Variants in EXOSC7 observed in about 807,000 individuals in gnomAD.
EXOSC7 encodes exosome complex component RRP42.
A neutral mutation model predicts 34.3 loss-of-function variants in EXOSC7; 25 were observed. That is an observed-to-expected ratio of 0.73 (90% CI 0.53 to 1.02). EXOSC7 has a LOEUF of 1.02. EXOSC7 is among the 50% of genes least tolerant of loss of function. The probability of loss-of-function intolerance (pLI) is 0.00; values close to 1 mark genes in which losing one functional copy is unlikely to be tolerated. For missense variants in EXOSC7, 370 were observed against 368.5 expected (o/e 1.00, Z -0.03); for synonymous variants, 130 against 143.0 (o/e 0.91, Z 0.65).
intron 4 of EXOSC7, among the ~76,000 whole-genome samples, chr3:44,997,516 C>G (rs1706754838): frequency 6.6e-6 from 1 of 152,032 alleles, no homozygotes; most frequent in Non-Finnish European, 1.5e-5. Context: ...AAAAATTGTC[C>G]AGGAAGAGTA....
At chr3:44,985,913 TAC>T (rs1213896934) in intron 1 of EXOSC7, among the ~76,000 whole-genome samples, 2 of 152,234 alleles carry the variant, frequency 1.3e-5, no homozygotes, top group East Asian at 3.9e-4. Flanking sequence ...ATTAGCTAGA[TAC>T]AGAGTGTAGA....
chr3:44,996,933 A>G (rs563618233), intron 3 of EXOSC7, among the ~76,000 whole-genome samples, 154 bp from the exon 4 acceptor site: 1 of 152,326 alleles, frequency 6.6e-6, no homozygotes, highest in Admixed American at 6.5e-5. Context: ...GAGTCAGGAA[A>G]AGTGGCAGAT....
At chr3:45,009,246 C>CTA (rs1255077324) in intron 7 of EXOSC7, among the ~76,000 whole-genome samples, 1 of 152,214 alleles carries the variant, frequency 6.6e-6, no homozygotes, top group East Asian at 1.9e-4. Flanking sequence ...GGACAGGGGA[C>CTA]TATAGCTCTG....
At chr3:44,994,816 C>A (rs555119003) in intron 3 of EXOSC7, among the ~76,000 whole-genome samples, 11 of 150,254 alleles carry the variant, frequency 7.3e-5, no homozygotes, top group Non-Finnish European at 4.4e-5. Flanking sequence ...AGTCTCTAAA[C>A]CTTCCTCTCT....
chr3:45,010,481 A>G (rs1707175434), intron 7 of EXOSC7, among the ~76,000 whole-genome samples: 1 of 152,152 alleles, frequency 6.6e-6, no homozygotes, highest in Admixed American at 6.5e-5. Context: ...TCCTGGCCTC[A>G]AGCAAAATCC....
intron 2 of EXOSC7, 111 bp downstream of exon 2, chr3:44,989,352 G>A (rs1004072385): frequency 4.5e-5 from 42 of 942,796 alleles, no homozygotes; most frequent in Admixed American, 8.8e-5. Context: ...TGGGGAAATC[G>A]AAGATCCGAG....
At chr3:44,979,203 T>A (rs2125960336) in intron 1 of EXOSC7, among the ~76,000 whole-genome samples, 1 of 152,360 alleles carries the variant, frequency 6.6e-6, no homozygotes, top group Non-Finnish European at 1.5e-5. Flanking sequence ...TGAATGAGCC[T>A]ACCATGGAAT....
chr3:45,006,944 C>G (rs1388303805), intron 6 of EXOSC7, among the ~76,000 whole-genome samples: 2 of 152,062 alleles, frequency 1.3e-5, no homozygotes, highest in African/African-American at 4.8e-5. Context: ...GGGCTGGTCT[C>G]AAACTCCTGA....
intron 3 of EXOSC7, 95 bp from the exon 4 acceptor site, chr3:44,996,992 C>G: frequency 7.6e-7 from 1 of 1,312,632 alleles, no homozygotes; most frequent in Admixed American, 1.9e-5. Context: ...GCTGGCTCTT[C>G]CAGCATTCTA....
intron 1 of EXOSC7, among the ~76,000 whole-genome samples, chr3:44,983,658 GA>G (rs1228602392): frequency 2.0e-5 from 3 of 152,192 alleles, no homozygotes; most frequent in Non-Finnish European, 4.4e-5. Flanking sequence ...AGAAGGAGGG[GA>G]CACCACTCCA....
At chr3:44,983,843 C>T (rs940136952) in intron 1 of EXOSC7, among the ~76,000 whole-genome samples, 2 of 146,150 alleles carry the variant, frequency 1.4e-5, no homozygotes, top group South Asian at 2.4e-4. Flanking sequence ...TTTCCTAAGC[C>T]TTTTATAAGG....
Position 44,976,320 on chromosome 3 carries a change from G to C in EXOSC7, c.43G>C (p.Val15Leu). 6 of 1,570,050 alleles carry C rather than the reference G, an allele frequency of 3.8e-6. No homozygotes were observed. Among genetic ancestry groups the C allele is most frequent in the Non-Finnish European group, 5.2e-6 (6 of 1,164,068 alleles). Residue 15 changes from valine (V) to leucine (L), a missense_variant, in exon 1 of 8, where the codon GTG becomes CTG. Transcript: ENST00000265564. The part of the protein sequence containing the change: ...TLSEAEKVYI[V>L]HGVQEDLRVD... ...GAGCGAGGCGGAGAAGGTGTACATC[G>C]TGCATGGCGTCCAGGTAGCTACAGC...
intron 6 of EXOSC7, 72 bp from the exon 7 acceptor site, chr3:45,007,348 C>G (rs1165629469): frequency 6.5e-7 from 1 of 1,543,030 alleles, no homozygotes; most frequent in Non-Finnish European, 8.9e-7. Flanking sequence ...GAGATTCCCA[C>G]CACGAGGCCA....
chr3:44,986,460 G>A (rs1192103596), intron 1 of EXOSC7, among the ~76,000 whole-genome samples: 1 of 152,132 alleles, frequency 6.6e-6, no homozygotes, highest in African/African-American at 2.4e-5. Flanking sequence ...CGCAGCCCTG[G>A]TTCCCACCCA....
intron 7 of EXOSC7, among the ~76,000 whole-genome samples, chr3:45,010,253 G>C (rs1194631276): frequency 6.6e-6 from 1 of 152,102 alleles, no homozygotes; most frequent in East Asian, 1.9e-4. Context: ...TATTGGGGTG[G>C]TGGTTGTTTT....
At chr3:45,007,834 A>T (rs925305072) in intron 7 of EXOSC7, among the ~76,000 whole-genome samples, 1 of 152,176 alleles carries the variant, frequency 6.6e-6, no homozygotes, top group Non-Finnish European at 1.5e-5. Context: ...TCTCATTTCT[A>T]TGTGTCTAAA....
At chr3:45,002,970 C>T (rs1436090035) in intron 5 of EXOSC7, among the ~76,000 whole-genome samples, 1 of 152,178 alleles carries the variant, frequency 6.6e-6, no homozygotes, top group Non-Finnish European at 1.5e-5. Context: ...AGAAATGACT[C>T]CCCATCTGCC....
Position 44,997,210 on chromosome 3 carries a change from T to C in EXOSC7, c.378T>C (p.Ile126=), listed in dbSNP as rs370753187. The C allele has an allele frequency of 1.4e-5, 23 of 1,614,086 alleles. No individual in the cohort carries two copies. The highest frequency in any genetic ancestry group is 5.0e-5 in the Admixed American group (3 of 60,014). The change falls in exon 4 of 8, where the codon ATT becomes ATC. Residue 126 remains isoleucine (I), a synonymous_variant. Transcript: ENST00000265564. ...KSSVDLKTLC[I]SPREHCWVLY... is the part of the protein sequence containing the mutation. Reference sequence around the variant, plus strand: ...GTGTCGACTTAAAGACCCTCTGCATTAGTCCTCGGGAGCACTGCTGGGTTC... The same window carrying C: ...GTGTCGACTTAAAGACCCTCTGCATCAGTCCTCGGGAGCACTGCTGGGTTC...
chr3:45,002,075 T>G (rs921164837), intron 5 of EXOSC7: 2 of 153,340 alleles, frequency 1.3e-5, no homozygotes, highest in African/African-American at 4.8e-5. Context: ...GGTAACAGGC[T>G]TCCCTTTGGT....
Sources: allele counts gnomAD v4.1 joint callset (sites outside exome capture counted in the v4.1 genomes callset), GRCh38; gene constraint gnomAD v4.1.1; transcripts MANE v1.5; gene names NCBI Gene and HGNC (gene_info 2026-07-23, HGNC 2026-07-21).